The following TMEM182 variants were observed in gnomAD, a reference collection of about 807,000 sequenced individuals.
TMEM182 encodes transmembrane protein 182.
Under a neutral mutation model 26.8 loss-of-function variants are expected in TMEM182, and 20 were observed. That is an observed-to-expected ratio of 0.75 (90% CI 0.53 to 1.09). The LOEUF is 1.09. Among genes scored for constraint, TMEM182 ranks in the 50% least tolerant of loss-of-function variants. TMEM182 has a pLI of 0.00. For synonymous variants in TMEM182, 109 were observed against 102.2 expected (o/e 1.07, Z -0.40); for missense variants, 277 against 275.5 (o/e 1.01, Z -0.04).
upstream of TMEM182, among the ~76,000 whole-genome samples, chr2:102,758,737 C>G (rs2104650079): frequency 6.6e-6 from 1 of 152,304 alleles, no homozygotes; most frequent in Admixed American, 6.5e-5. Flanking sequence ...TGTTGTGTGC[C>G]AAGTCCTATG....
At chr2:102,749,297 T>C (rs1679807782) in intron 1 of TMEM182, among the ~76,000 whole-genome samples, 1 of 152,178 alleles carries the variant, frequency 6.6e-6, no homozygotes. Context: ...GAAAATATTA[T>C]GCTAACTGAA....
intron 1 of TMEM182, among the ~76,000 whole-genome samples, chr2:102,754,307 C>T (rs1322099054): frequency 6.6e-6 from 1 of 152,128 alleles, no homozygotes; most frequent in East Asian, 1.9e-4. Flanking sequence ...CCTGGGGAAC[C>T]TTGAAATAAA....
chr2:102,806,480 T>C (rs1418631526), intron 4 of TMEM182, among the ~76,000 whole-genome samples: 1 of 152,100 alleles, frequency 6.6e-6, no homozygotes, highest in African/African-American at 2.4e-5. Flanking sequence ...GGGAGATGCA[T>C]TGGAGGTCAT....
At chr2:102,754,091 G>C (rs1182091550) in intron 1 of TMEM182, among the ~76,000 whole-genome samples, 1 of 152,146 alleles carries the variant, frequency 6.6e-6, no homozygotes, top group Non-Finnish European at 1.5e-5. Flanking sequence ...CTCATAGGCA[G>C]TAAAAATCTG....
At chr2:102,818,966 G>T (rs1057424669), downstream of TMEM182, among the ~76,000 whole-genome samples, 2 of 152,120 alleles carry the variant, frequency 1.3e-5, no homozygotes, top group African/African-American at 4.8e-5. Flanking sequence ...GAAATAATTG[G>T]CATCCTGCAC....
At chr2:102,811,754 G>A (rs1017065321) in intron 4 of TMEM182, among the ~76,000 whole-genome samples, 3 of 152,060 alleles carry the variant, frequency 2.0e-5, no homozygotes, top group Non-Finnish European at 4.4e-5. Flanking sequence ...GCTATGGGAG[G>A]CCCCATCAAG....
intron 3 of TMEM182, among the ~76,000 whole-genome samples, chr2:102,826,403 T>C (rs887360916): frequency 6.7e-6 from 1 of 150,208 alleles, no homozygotes; most frequent in African/African-American, 2.5e-5. Flanking sequence ...GAGTGAGAGA[T>C]GGCCAGGGCT....
At chr2:102,788,764 T>C (rs1681509526) in intron 3 of TMEM182, among the ~76,000 whole-genome samples, 1 of 152,018 alleles carries the variant, frequency 6.6e-6, no homozygotes, top group Non-Finnish European at 1.5e-5. Context: ...CCAGTGTGCT[T>C]CCTCCCTGAA....
At chr2:102,818,083 G>A (rs1682813251), downstream of TMEM182, among the ~76,000 whole-genome samples, 1 of 152,204 alleles carries the variant, frequency 6.6e-6, no homozygotes, top group Non-Finnish European at 1.5e-5. Context: ...GTGGAATTGT[G>A]AGAAAGACCA....
intron 3 of TMEM182, among the ~76,000 whole-genome samples, chr2:102,776,095 C>T (rs2104686270): frequency 6.6e-6 from 1 of 152,104 alleles, no homozygotes; most frequent in South Asian, 2.1e-4. Flanking sequence ...CAGAGGGTTC[C>T]CATCCCACCA....
chr2:102,740,092 G>T (rs565176776), intron 1 of TMEM182, among the ~76,000 whole-genome samples: 1 of 152,134 alleles, frequency 6.6e-6, no homozygotes, highest in Admixed American at 6.5e-5. Flanking sequence ...TTGTGAACTG[G>T]GAGACTAGAT....
chr2:102,772,251 T>A (rs1362468761), intron 3 of TMEM182, among the ~76,000 whole-genome samples: 1 of 152,218 alleles, frequency 6.6e-6, no homozygotes, highest in Non-Finnish European at 1.5e-5. Flanking sequence ...AAAGCAATTA[T>A]TGAGTGCCTG....
At chr2:102,755,656 T>A (rs777567398) in intron 1 of TMEM182, among the ~76,000 whole-genome samples, 1 of 152,218 alleles carries the variant, frequency 6.6e-6, no homozygotes, top group Non-Finnish European at 1.5e-5. Context: ...AGTAGTGCTC[T>A]GTAGAAATTC....
intron 1 of TMEM182, among the ~76,000 whole-genome samples, chr2:102,756,935 C>T (rs1464708703): frequency 6.6e-6 from 1 of 152,054 alleles, no homozygotes; most frequent in Admixed American, 6.5e-5. Context: ...GCCTCAGCCT[C>T]CCAAGTAGGT....
chr2:102,774,250 C>CTTTTTTTTTTTTTTTTTT (rs774047240), intron 3 of TMEM182, among the ~76,000 whole-genome samples: 3 of 96,130 alleles, frequency 3.1e-5, no homozygotes, highest in African/African-American at 4.3e-5. Context: ...TTCTTTCTTT[C>CTTTTTTTTTTTTTTTTTT]TTTTTTTTTT....
At chr2:102,784,014 C>G (rs887990) in intron 3 of TMEM182, among the ~76,000 whole-genome samples, 1 of 152,004 alleles carries the variant, frequency 6.6e-6, no homozygotes, top group Non-Finnish European at 1.5e-5. Context: ...CAAACTACGC[C>G]GGACCTGATT....
upstream of TMEM182, chr2:102,757,683 T>C (rs1680085895): frequency 6.6e-6 from 1 of 152,232 alleles, no homozygotes; most frequent in African/African-American, 2.4e-5. Context: ...CTTGTGGCCC[T>C]GATGACTCAG....
At chr2:102,820,785 C>T (rs772918174), downstream of TMEM182, among the ~76,000 whole-genome samples, 5 of 152,112 alleles carry the variant, frequency 3.3e-5, no homozygotes, top group Non-Finnish European at 7.3e-5. Flanking sequence ...CATTCCAAGC[C>T]CTTGCCTCAT....
At chr2:102,808,944 G>A (rs1682447527) in intron 4 of TMEM182, among the ~76,000 whole-genome samples, 2 of 152,322 alleles carry the variant, frequency 1.3e-5, no homozygotes, top group South Asian at 2.1e-4. Context: ...ACCTCTTTGA[G>A]TGATGCATAC....
Sources: allele counts gnomAD v4.1 joint callset (sites outside exome capture counted in the v4.1 genomes callset), GRCh38; gene constraint gnomAD v4.1.1; transcripts MANE v1.5; gene names NCBI Gene and HGNC (gene_info 2026-07-23, HGNC 2026-07-21).